CCDC102B: variants seen among roughly 807,000 people sequenced by gnomAD.
CCDC102B encodes coiled-coil domain-containing protein 102B.
Under a neutral mutation model 57.4 loss-of-function variants are expected in CCDC102B, and 75 were observed. The observed-to-expected ratio is 1.31, with a 90% CI of 1.08 to 1.58. The LOEUF (loss-of-function observed/expected upper bound fraction) is 1.58, where lower values mean the gene tolerates loss of function less well. CCDC102B is among the 40% of genes most tolerant of loss of function. The pLI, the probability that CCDC102B is intolerant of heterozygous loss-of-function variation, is 0.00. For synonymous variants in CCDC102B, 206 were observed against 201.9 expected (o/e 1.02, Z -0.17); for missense variants, 636 against 582.6 (o/e 1.09, Z -0.94).
At chr18:68,980,185 G>C (rs1264727460) in intron 6 of CCDC102B, among the ~76,000 whole-genome samples, 1 of 151,456 alleles carries the variant, frequency 6.6e-6, no homozygotes, top group African/African-American at 2.4e-5. Context: ...ACCCTTGTGA[G>C]TTCTGCAGTG....
chr18:68,717,357 G>C (rs1177289267), intron 2 of CCDC102B, among the ~76,000 whole-genome samples: 1 of 152,190 alleles, frequency 6.6e-6, no homozygotes, highest in Non-Finnish European at 1.5e-5. Context: ...GTATAAAACT[G>C]TAAAATGTCT....
At chr18:68,939,061 G>C (rs1475848073) in intron 6 of CCDC102B, among the ~76,000 whole-genome samples, 1 of 151,678 alleles carries the variant, frequency 6.6e-6, no homozygotes, top group Non-Finnish European at 1.5e-5. Context: ...CCTTCCTTAT[G>C]ATATTGTGAT....
chr18:68,868,956 G>T (rs1273485568), intron 4 of CCDC102B, among the ~76,000 whole-genome samples: 1 of 152,146 alleles, frequency 6.6e-6, no homozygotes, highest in Non-Finnish European at 1.5e-5. Context: ...TCAGGTGAAG[G>T]AAGTGACAAT....
chr18:68,953,580 T>G (rs1237028257), intron 6 of CCDC102B, among the ~76,000 whole-genome samples: 1 of 152,064 alleles, frequency 6.6e-6, no homozygotes, highest in African/African-American at 2.4e-5. Context: ...AAAAAGTACT[T>G]CTATATTTTG....
intron 2 of CCDC102B, among the ~76,000 whole-genome samples, chr18:68,776,211 T>C (rs936000755): frequency 6.6e-6 from 1 of 152,238 alleles, no homozygotes; most frequent in Non-Finnish European, 1.5e-5. Context: ...CTCAGTTGGG[T>C]ATAATCTGCT....
Position 68,929,843 on chromosome 18 carries a change from C to CAT in CCDC102B, c.1263+32424_1263+32425dup, listed in dbSNP as rs75828338. The stretch of plus-strand genomic sequence containing the variant: ...TATGTATATAATACACACACACACA[C>CAT]ATATATATATGCCTGTATGCATTTT... On this transcript the variant is annotated intron_variant, in intron 6 of 7. Coordinates refer to ENST00000360242, the MANE Select transcript of CCDC102B (RefSeq NM_024781.3). 6.1e-3 allele frequency among the ~76,000 whole-genome samples: 932 copies of CAT among 151,608 alleles called. 8 individuals carry two copies. The highest frequency in any genetic ancestry group is 0.021 in the African/African-American group (850 of 41,400).
In CCDC102B at chr18:68,988,918, T is replaced by G. The variant is rs144778077; in HGVS notation, c.1264-22016T>G. ...GTGTGTATTGCGTGGACAACTTTTA[T>G]GCTATGAGGACCTTTGTTAATTCTT... is the stretch of plus-strand genomic sequence containing the variant. On this transcript the variant is annotated intron_variant, in intron 6 of 7. Coordinates refer to ENST00000360242, the MANE Select transcript of CCDC102B (RefSeq NM_024781.3). Among the ~76,000 whole-genome samples, 23 of 152,344 alleles carry G rather than the reference T, an allele frequency of 1.5e-4. No individual in the cohort carries two copies. The East Asian group carries it at 4.2e-3, about 28-fold the overall frequency.
chr18:68,807,021 C>G (rs557736453), intron 1 of CCDC102B, among the ~76,000 whole-genome samples: 2 of 152,182 alleles, frequency 1.3e-5, no homozygotes, highest in African/African-American at 4.8e-5. Context: ...ACATTTCAGG[C>G]ATTGTATTTA....
chr18:68,912,580 T>C (rs922175558), intron 6 of CCDC102B, among the ~76,000 whole-genome samples: 1 of 152,246 alleles, frequency 6.6e-6, no homozygotes, highest in African/African-American at 2.4e-5. Flanking sequence ...AAGTTATTTA[T>C]ATGATGACAG....
At chr18:68,758,760 T>C (rs1468682775) in intron 2 of CCDC102B, among the ~76,000 whole-genome samples, 1 of 151,416 alleles carries the variant, frequency 6.6e-6, no homozygotes, top group African/African-American at 2.4e-5. Flanking sequence ...GAAGATTAAA[T>C]GCTTGTTTCA....
chr18:68,944,147 G>A (rs1160951745), intron 6 of CCDC102B, among the ~76,000 whole-genome samples: 2 of 152,042 alleles, frequency 1.3e-5, no homozygotes, highest in South Asian at 2.1e-4. Context: ...TGAGGAAGGG[G>A]GTTGGGTAAG....
chr18:68,986,063 C>A (rs2050714970), intron 6 of CCDC102B, among the ~76,000 whole-genome samples: 1 of 151,886 alleles, frequency 6.6e-6, no homozygotes, highest in Non-Finnish European at 1.5e-5. Context: ...TATTATTTAT[C>A]TTCAAAACCA....
intron 5 of CCDC102B, among the ~76,000 whole-genome samples, chr18:68,880,318 C>T (rs111459614): frequency 0.025 from 3,739 of 152,324 alleles, 100 homozygotes; most frequent in African/African-American, 0.067. Context: ...CATGCCCACC[C>T]GGAACTCCAG....
intron 6 of CCDC102B, among the ~76,000 whole-genome samples, chr18:68,945,789 A>G (rs2049522590): frequency 6.6e-6 from 1 of 152,004 alleles, no homozygotes; most frequent in South Asian, 2.1e-4. Flanking sequence ...TTTAATTGCA[A>G]TATTGTAATT....
chr18:68,903,974 A>T (rs534448275), intron 6 of CCDC102B, among the ~76,000 whole-genome samples: 33 of 152,320 alleles, frequency 2.2e-4, no homozygotes, highest in African/African-American at 7.7e-4. Context: ...TGGCTTCAAA[A>T]ATAGTTTATT....
At chr18:68,938,079 A>G (rs1361247792) in intron 6 of CCDC102B, among the ~76,000 whole-genome samples, 1 of 151,940 alleles carries the variant, frequency 6.6e-6, no homozygotes, top group East Asian at 1.9e-4. Context: ...TGATTTCAAT[A>G]TTCATGCAGA....
At position 68,921,220 on chromosome 18, in the gene CCDC102B, G is replaced by A. The variant is rs552452782; in HGVS notation, c.1263+23792G>A. Among the ~76,000 whole-genome samples the A allele has an allele frequency of 1.7e-3, 260 of 152,252 alleles. 3 individuals carry two copies. The highest frequency in any genetic ancestry group is 5.8e-3 in the African/African-American group (243 of 41,540). ...CCCAAATCTCATCCTGAATTCCCACGTGTGGTGGGAGGGACCCAGTAGGAG... is the reference window on the plus strand; with the variant it reads ...CCCAAATCTCATCCTGAATTCCCACATGTGGTGGGAGGGACCCAGTAGGAG... On this transcript the variant is annotated intron_variant, in intron 6 of 7. Coordinates refer to ENST00000360242, the MANE Select transcript of CCDC102B (RefSeq NM_024781.3).
At chr18:68,904,402 CAT>C (rs1319337835) in intron 6 of CCDC102B, among the ~76,000 whole-genome samples, 1 of 152,264 alleles carries the variant, frequency 6.6e-6, no homozygotes, top group East Asian at 1.9e-4. Flanking sequence ...TGCGTAAATT[CAT>C]AATTTAGTTA....
intron 6 of CCDC102B, among the ~76,000 whole-genome samples, chr18:68,997,747 GAAA>G (rs1182873598): frequency 6.6e-6 from 1 of 151,602 alleles, no homozygotes; most frequent in Non-Finnish European, 1.5e-5. Flanking sequence ...TAGCTTTTTA[GAAA>G]GTTCTACTTT....
Sources: allele counts gnomAD v4.1 joint callset (sites outside exome capture counted in the v4.1 genomes callset), GRCh38; gene constraint gnomAD v4.1.1; transcripts MANE v1.5; gene names NCBI Gene and HGNC (gene_info 2026-07-23, HGNC 2026-07-21).